The following KCNH7 variants were observed in gnomAD, a reference collection of about 807,000 sequenced individuals.
KCNH7 encodes the protein voltage-gated inwardly rectifying potassium channel KCNH7.
Under a neutral mutation model 120.8 loss-of-function variants are expected in KCNH7, and 49 were observed. The observed-to-expected ratio is 0.41, with a 90% confidence interval of 0.32 to 0.51. KCNH7 has a LOEUF of 0.51. Among genes scored for constraint, KCNH7 ranks in the 20% least tolerant of loss-of-function variants. The probability of loss-of-function intolerance (pLI) is 0.38; values close to 1 mark genes in which losing one functional copy is unlikely to be tolerated. For missense variants in KCNH7, 1,097 were observed against 1,446.6 expected (o/e 0.76, Z 3.92); for synonymous variants, 547 against 516.1 (o/e 1.06, Z -0.81).
chr2:162,381,730 A>C (rs924236643), intron 13 of KCNH7, among the ~76,000 whole-genome samples: 4 of 152,112 alleles, frequency 2.6e-5, no homozygotes, highest in African/African-American at 9.7e-5. Flanking sequence ...GGCAGTTTAT[A>C]ATTTCTTTTA....
chr2:162,670,483 A>G (rs1685309759), intron 2 of KCNH7, among the ~76,000 whole-genome samples: 2 of 151,002 alleles, frequency 1.3e-5, no homozygotes, highest in South Asian at 4.1e-4. Flanking sequence ...AAAAAAAAAA[A>G]AAAAAAAAAG....
intron 2 of KCNH7, among the ~76,000 whole-genome samples, chr2:162,671,427 G>C (rs955490361): frequency 6.6e-6 from 1 of 150,988 alleles, no homozygotes; most frequent in Non-Finnish European, 1.5e-5. Context: ...CATAGAACTG[G>C]AGGACATAGT....
At chr2:162,573,368 T>C (rs1693560696) in intron 2 of KCNH7, among the ~76,000 whole-genome samples, 1 of 151,968 alleles carries the variant, frequency 6.6e-6, no homozygotes, top group Non-Finnish European at 1.5e-5. Context: ...ATTAAACATT[T>C]CCTGATGAAA....
At chr2:162,647,130 C>A (rs543399974) in intron 2 of KCNH7, among the ~76,000 whole-genome samples, 1 of 152,136 alleles carries the variant, frequency 6.6e-6, no homozygotes, top group African/African-American at 2.4e-5. Flanking sequence ...GATAGAGAAC[C>A]TTAGTTTATG....
At chr2:162,588,774 C>T (rs1431715306) in intron 2 of KCNH7, among the ~76,000 whole-genome samples, 2 of 152,014 alleles carry the variant, frequency 1.3e-5, no homozygotes, top group African/African-American at 2.4e-5. Flanking sequence ...CTATATAATA[C>T]ATCATTGTTA....
intron 8 of KCNH7, among the ~76,000 whole-genome samples, chr2:162,430,775 A>G (rs978513551): frequency 6.6e-6 from 1 of 152,034 alleles, no homozygotes; most frequent in African/African-American, 2.4e-5. Flanking sequence ...CAAAAATAAG[A>G]AATTCTCCCA....
chr2:162,501,735 G>A (rs1171195332), intron 6 of KCNH7, among the ~76,000 whole-genome samples: 1 of 150,978 alleles, frequency 6.6e-6, no homozygotes, highest in African/African-American at 2.4e-5. Flanking sequence ...CTTTTACAAG[G>A]ACACTAATCC....
intron 15 of KCNH7, among the ~76,000 whole-genome samples, chr2:162,372,628 T>C (rs1685997221): frequency 6.6e-6 from 1 of 152,182 alleles, no homozygotes; most frequent in Admixed American, 6.6e-5. Flanking sequence ...TTATTTTCCT[T>C]CTGACACATT....
At chr2:162,714,616 T>G (rs1687043877) in intron 2 of KCNH7, among the ~76,000 whole-genome samples, 1 of 152,162 alleles carries the variant, frequency 6.6e-6, no homozygotes, top group African/African-American at 2.4e-5. Flanking sequence ...TTGGCAAACT[T>G]TCTCTGTAAA....
chr2:162,744,403 C>G (rs1051172295), intron 2 of KCNH7, among the ~76,000 whole-genome samples: 4 of 152,030 alleles, frequency 2.6e-5, no homozygotes, highest in African/African-American at 9.7e-5. Flanking sequence ...CCTCATGGTT[C>G]TGTTATTTTT....
chr2:162,385,074 A>AT (rs971783947), intron 12 of KCNH7, 135 bp from the exon 13 acceptor site: 102 of 589,530 alleles, frequency 1.7e-4, no homozygotes, highest in Non-Finnish European at 2.0e-4. Context: ...TGGGTACTCA[A>AT]TTTTTTAAAT....
intron 2 of KCNH7, among the ~76,000 whole-genome samples, chr2:162,800,874 T>C (rs990276836): frequency 6.6e-6 from 1 of 151,810 alleles, no homozygotes; most frequent in African/African-American, 2.4e-5. Context: ...TCCTATTTGT[T>C]TCATAGTTTT....
At chr2:162,674,399 A>C (rs897994012) in intron 2 of KCNH7, among the ~76,000 whole-genome samples, 1 of 151,772 alleles carries the variant, frequency 6.6e-6, no homozygotes, top group South Asian at 2.1e-4. Flanking sequence ...GAAAAAGTCA[A>C]TATCTTCATT....
intron 2 of KCNH7, among the ~76,000 whole-genome samples, chr2:162,674,442 C>A (rs949053233): frequency 2.6e-5 from 4 of 151,624 alleles, no homozygotes; most frequent in Non-Finnish European, 5.9e-5. Context: ...ACCACAGATC[C>A]ATGTAAGTAC....
At chr2:162,646,283 CA>C (rs1375959800) in intron 2 of KCNH7, among the ~76,000 whole-genome samples, 1 of 152,222 alleles carries the variant, frequency 6.6e-6, no homozygotes, top group Non-Finnish European at 1.5e-5. Context: ...TGTGATCCAT[CA>C]CACTGTAATA....
chr2:162,738,196 T>C (rs1334448200), intron 2 of KCNH7, among the ~76,000 whole-genome samples: 1 of 151,624 alleles, frequency 6.6e-6, no homozygotes, highest in Non-Finnish European at 1.5e-5. Flanking sequence ...GTCAAGTCAT[T>C]GGTCATGTTC....
intron 9 of KCNH7, among the ~76,000 whole-genome samples, chr2:162,402,055 G>C (rs1200131193): frequency 6.6e-6 from 1 of 151,536 alleles, no homozygotes; most frequent in Non-Finnish European, 1.5e-5. Context: ...CCTTTGATAA[G>C]AGTTTCTGGG....
chr2:162,429,692 T>C (rs183560715), intron 8 of KCNH7, among the ~76,000 whole-genome samples: 2 of 152,004 alleles, frequency 1.3e-5, no homozygotes, highest in South Asian at 2.1e-4. Context: ...TTGTATATGA[T>C]GTGTCATTTT....
At chr2:162,792,071 T>C (rs1293926920) in intron 2 of KCNH7, among the ~76,000 whole-genome samples, 2 of 152,162 alleles carry the variant, frequency 1.3e-5, no homozygotes, top group East Asian at 1.9e-4. Flanking sequence ...GTTCTGTTTA[T>C]GTTATGTATC....
Sources: allele counts gnomAD v4.1 joint callset (sites outside exome capture counted in the v4.1 genomes callset), GRCh38; gene constraint gnomAD v4.1.1; transcripts MANE v1.5; gene names NCBI Gene and HGNC (gene_info 2026-07-23, HGNC 2026-07-21).